Variants in TMTC2 observed in about 807,000 individuals in gnomAD.
TMTC2 encodes the protein protein O-mannosyl-transferase TMTC2.
Under a neutral mutation model 82.4 loss-of-function variants are expected in TMTC2, and 43 were observed. The ratio of observed to expected loss-of-function variants is 0.52; its 90% CI spans 0.41 to 0.67. The LOEUF (loss-of-function observed/expected upper bound fraction) is 0.67, where lower values mean the gene tolerates loss of function less well. Ranked by LOEUF, TMTC2 falls within the 30% of genes least tolerant of loss-of-function variation. TMTC2 has a pLI of 0.00. For missense variants in TMTC2, 919 were observed against 1,012.4 expected (o/e 0.91, Z 1.25); for synonymous variants, 408 against 381.9 (o/e 1.07, Z -0.80).
intron 1 of TMTC2, among the ~76,000 whole-genome samples, chr12:82,794,146 A>G (rs4491313): frequency 0.35 from 52,541 of 151,910 alleles, 9,338 homozygotes; most frequent in Middle Eastern, 0.55. Context: ...TGGTCCCGGG[A>G]CAGCCTGCTG....
chr12:82,774,952 C>G (rs76023050), intron 1 of TMTC2, among the ~76,000 whole-genome samples: 7,081 of 152,002 alleles, frequency 0.047, 244 homozygotes, highest in Middle Eastern at 0.15. Flanking sequence ...ATGTTGTATT[C>G]TAAAGGAATA....
At chr12:82,815,283 A>AT (rs1202672719) in intron 1 of TMTC2, among the ~76,000 whole-genome samples, 2 of 128,594 alleles carry the variant, frequency 1.6e-5, no homozygotes, top group Admixed American at 1.5e-4. Flanking sequence ...TCTTTTGCGC[A>AT]TTTATTTTTT....
intron 1 of TMTC2, chr12:82,759,103 C>T (rs1325513140): frequency 6.6e-6 from 1 of 152,088 alleles, no homozygotes; most frequent in Admixed American, 6.6e-5. Flanking sequence ...AAATTATTTT[C>T]AATTATATAG....
At chr12:83,061,198 G>A (rs1882726626) in intron 10 of TMTC2, among the ~76,000 whole-genome samples, 1 of 151,772 alleles carries the variant, frequency 6.6e-6, no homozygotes, top group African/African-American at 2.4e-5. Flanking sequence ...CCATTTAGCT[G>A]AGGTTAAGTC....
chr12:82,933,070 G>A (rs953283876), intron 4 of TMTC2, among the ~76,000 whole-genome samples: 1 of 152,070 alleles, frequency 6.6e-6, no homozygotes. Context: ...CGTAATTGTT[G>A]GAAATAGGTT....
chr12:82,938,798 C>T (rs1876548602), intron 4 of TMTC2, among the ~76,000 whole-genome samples: 1 of 152,126 alleles, frequency 6.6e-6, no homozygotes, highest in South Asian at 2.1e-4. Flanking sequence ...GTGAAACATT[C>T]AAATAATAAT....
At chr12:83,051,149 A>C in intron 10 of TMTC2, 131 bp downstream of exon 10, 1 of 617,238 alleles carries the variant, frequency 1.6e-6, no homozygotes, top group Non-Finnish European at 2.7e-6. Context: ...TATGTAAAAA[A>C]TTAGAAATAT....
At chr12:82,971,854 G>A (rs1878462359) in intron 7 of TMTC2, among the ~76,000 whole-genome samples, 1 of 151,792 alleles carries the variant, frequency 6.6e-6, no homozygotes, top group Non-Finnish European at 1.5e-5. Flanking sequence ...ACAGCACAGA[G>A]GCAGCAGACA....
At chr12:82,881,994 ATTTTTT>A (rs869127384) in intron 2 of TMTC2, among the ~76,000 whole-genome samples, 1 of 107,280 alleles carries the variant, frequency 9.3e-6, no homozygotes, top group Non-Finnish European at 1.8e-5. Flanking sequence ...TGTTGTTAAG[ATTTTTT>A]TTTTTTTTTT....
chr12:82,941,416 G>C (rs943478012), intron 4 of TMTC2, among the ~76,000 whole-genome samples: 2 of 152,170 alleles, frequency 1.3e-5, no homozygotes, highest in Non-Finnish European at 2.9e-5. Flanking sequence ...ATAAGCTAAT[G>C]AGTTAAATCA....
intron 4 of TMTC2, among the ~76,000 whole-genome samples, chr12:82,937,100 A>G (rs983071230): frequency 6.6e-6 from 1 of 152,190 alleles, no homozygotes; most frequent in Non-Finnish European, 1.5e-5. Context: ...AAACAAACAC[A>G]TTTATATTAG....
intron 1 of TMTC2, among the ~76,000 whole-genome samples, chr12:82,820,223 G>A (rs1190114381): frequency 6.6e-6 from 1 of 152,050 alleles, no homozygotes; most frequent in Non-Finnish European, 1.5e-5. Flanking sequence ...CTGCCTTTCC[G>A]AGTCCACTGA....
At chr12:82,941,026 C>T (rs185632283) in intron 4 of TMTC2, among the ~76,000 whole-genome samples, 19 of 151,756 alleles carry the variant, frequency 1.3e-4, no homozygotes, top group Admixed American at 1.0e-3. Flanking sequence ...CAAGGTATCA[C>T]AAAATACCAT....
chr12:82,869,908 G>A (rs1398451621), intron 2 of TMTC2, among the ~76,000 whole-genome samples: 1 of 151,324 alleles, frequency 6.6e-6, no homozygotes, highest in Non-Finnish European at 1.5e-5. Flanking sequence ...CAAAAATTAG[G>A]CCCACGATTA....
At chr12:82,922,422 C>A (rs1269338802) in intron 3 of TMTC2, among the ~76,000 whole-genome samples, 1 of 152,220 alleles carries the variant, frequency 6.6e-6, no homozygotes, top group African/African-American at 2.4e-5. Context: ...TAGGATATAG[C>A]ATAACTGCAT....
intron 1 of TMTC2, among the ~76,000 whole-genome samples, chr12:82,796,198 G>C (rs1483178743): frequency 6.6e-6 from 1 of 152,098 alleles, no homozygotes; most frequent in African/African-American, 2.4e-5. Context: ...TAGCCGGGAC[G>C]ACCTGGCTGA....
intron 4 of TMTC2, among the ~76,000 whole-genome samples, chr12:82,963,792 CATAT>C (rs58960088): frequency 0.023 from 1,242 of 52,992 alleles, 444 homozygotes; most frequent in Middle Eastern, 0.11. Context: ...TCCAGATTTT[CATAT>C]ATATATATAT....
intron 1 of TMTC2, among the ~76,000 whole-genome samples, chr12:82,752,693 C>T (rs907090665): frequency 2.6e-5 from 4 of 151,460 alleles, no homozygotes; most frequent in African/African-American, 7.3e-5. Flanking sequence ...CATCATGTAT[C>T]TTAGTGGACA....
chr12:83,010,147 G>T (rs1326578938), intron 8 of TMTC2, among the ~76,000 whole-genome samples: 1 of 152,172 alleles, frequency 6.6e-6, no homozygotes, highest in African/African-American at 2.4e-5. Context: ...CAACATTGGA[G>T]CTGCTAATAT....
Sources: gnomAD v4.1 joint callset for allele counts (sites outside exome capture counted in the v4.1 genomes callset) on GRCh38, gnomAD v4.1.1 for gene constraint, MANE v1.5 for transcripts, NCBI Gene and HGNC (gene_info 2026-07-23, HGNC 2026-07-21) for gene names.